NAA11: variants seen among roughly 807,000 people sequenced by gnomAD.
NAA11 encodes the protein N-alpha-acetyltransferase 11, NatA catalytic subunit.
A neutral mutation model predicts 16.1 loss-of-function variants in NAA11; 15 were observed. The observed-to-expected ratio is 0.93, with a 90% CI of 0.62 to 1.44. The LOEUF is 1.44. Ranked by LOEUF, NAA11 falls within the 40% of genes most tolerant of loss-of-function variation. NAA11 has a pLI of 0.00. For synonymous variants in NAA11, 122 were observed against 112.4 expected (o/e 1.09, Z -0.54); for missense variants, 298 against 291.3 (o/e 1.02, Z -0.17).
intron 2 of NAA11, among the ~76,000 whole-genome samples, chr4:79,242,251 G>A (rs562724279): frequency 8.0e-6 from 1 of 125,074 alleles, no homozygotes; most frequent in East Asian, 2.5e-4. Context: ...CTTGGAGGGG[G>A]ATATCCTTCT....
At chr4:79,181,747 C>T in the NAA11 span, among the ~76,000 whole-genome samples, 1 of 152,132 alleles carries the variant, frequency 6.6e-6, no homozygotes, top group South Asian at 2.1e-4. Flanking sequence ...AATAAAACAC[C>T]GAACTTATGA....
intron 1 of NAA11, among the ~76,000 whole-genome samples, chr4:79,322,076 T>C (rs1283819524): frequency 2.0e-5 from 3 of 152,142 alleles, no homozygotes; most frequent in African/African-American, 7.2e-5. Context: ...TTTTATTGGG[T>C]TAAGTTACTG....
chr4:79,160,150 C>T, the NAA11 span, among the ~76,000 whole-genome samples: 5 of 152,212 alleles, frequency 3.3e-5, no homozygotes, highest in East Asian at 7.7e-4. Flanking sequence ...TGCCACCATG[C>T]TCAGCTAATT....
chr4:79,244,206 C>T (rs557485378), intron 2 of NAA11, among the ~76,000 whole-genome samples: 5 of 152,266 alleles, frequency 3.3e-5, no homozygotes, highest in South Asian at 2.1e-4. Flanking sequence ...AGAGGCATTG[C>T]GATAATTGCC....
the NAA11 span, among the ~76,000 whole-genome samples, chr4:79,156,418 A>AT: frequency 6.6e-6 from 1 of 152,038 alleles, no homozygotes; most frequent in Non-Finnish European, 1.5e-5. Context: ...GGCTCACACC[A>AT]TTATAGAGGC....
At chr4:79,174,453 G>T in the NAA11 span, among the ~76,000 whole-genome samples, 580 of 152,166 alleles carry the variant, frequency 3.8e-3, 4 homozygotes, top group African/African-American at 0.013. Flanking sequence ...TGGATCACTG[G>T]CAATAATATA....
chr4:79,203,834 T>TG, the NAA11 span, among the ~76,000 whole-genome samples: 1 of 151,570 alleles, frequency 6.6e-6, no homozygotes, highest in African/African-American at 2.4e-5. Context: ...GACAAAAAGA[T>TG]GAATCTTTTA....
the NAA11 span, among the ~76,000 whole-genome samples, chr4:79,176,132 C>T: frequency 2.6e-5 from 4 of 152,106 alleles, no homozygotes; most frequent in Non-Finnish European, 5.9e-5. Flanking sequence ...CTCGTATCCC[C>T]ACCAACTGGT....
the NAA11 span, among the ~76,000 whole-genome samples, chr4:79,202,018 T>A: frequency 2.0e-5 from 3 of 151,702 alleles, no homozygotes; most frequent in Non-Finnish European, 4.4e-5. Flanking sequence ...TTAGCATCAC[T>A]TTAAACATTT....
At chr4:79,238,387 AT>A (rs1721617105) in intron 2 of NAA11, among the ~76,000 whole-genome samples, 1 of 152,238 alleles carries the variant, frequency 6.6e-6, no homozygotes, top group African/African-American at 2.4e-5. Flanking sequence ...AAAAATCATT[AT>A]AACTTAAAAC....
Position 79,325,388 on chromosome 4 carries a change from G to A in NAA11, c.490C>T (p.Leu164=). 6.2e-7 allele frequency: 1 copy of A among 1,614,066 alleles called. No homozygotes were observed. Among genetic ancestry groups the A allele is most frequent in the Non-Finnish European group, 8.5e-7 (1 of 1,179,984 alleles). ...MADELRRQMD[L]KKGGYVVLGS... is the part of the protein sequence containing the mutation. ...AGGACCACATACCCGCCCTTCTTCA[G>A]GTCCATTTGTCGTCTCAGCTCATCT... Residue 164 remains leucine (L), a synonymous_variant, in exon 1 of 2, where the codon CTG becomes TTG. Transcript: ENST00000286794.
At chr4:79,193,630 CT>C in the NAA11 span, among the ~76,000 whole-genome samples, 2 of 152,082 alleles carry the variant, frequency 1.3e-5, no homozygotes, top group African/African-American at 4.8e-5. Context: ...TTACTGTAGC[CT>C]TGTGGTATAG....
At chr4:79,234,946 A>G (rs888524375) in intron 2 of NAA11, among the ~76,000 whole-genome samples, 1 of 152,112 alleles carries the variant, frequency 6.6e-6, no homozygotes, top group Non-Finnish European at 1.5e-5. Flanking sequence ...TTAATTTATC[A>G]CATAGCATTG....
At chr4:79,185,340 C>T in the NAA11 span, among the ~76,000 whole-genome samples, 2 of 152,114 alleles carry the variant, frequency 1.3e-5, no homozygotes, top group Non-Finnish European at 2.9e-5. Context: ...CAGACAGCAC[C>T]TTTTTCCCCC....
At chr4:79,265,895 C>T (rs1722333992) in intron 2 of NAA11, among the ~76,000 whole-genome samples, 1 of 152,058 alleles carries the variant, frequency 6.6e-6, no homozygotes, top group African/African-American at 2.4e-5. Context: ...GAGCACTTTA[C>T]ATCTGCTTAT....
intron 1 of NAA11, among the ~76,000 whole-genome samples, chr4:79,318,184 A>C (rs186710602): frequency 2.6e-4 from 39 of 152,316 alleles, no homozygotes; most frequent in African/African-American, 9.4e-4. Flanking sequence ...ACTCAAAAGA[A>C]AATTTATTCC....
intron 2 of NAA11, among the ~76,000 whole-genome samples, chr4:79,241,898 C>T (rs1310760579): frequency 6.6e-6 from 1 of 152,228 alleles, no homozygotes; most frequent in Admixed American, 6.5e-5. Context: ...ATCCACCTAT[C>T]ACTACATGCT....
the NAA11 span, among the ~76,000 whole-genome samples, chr4:79,220,610 G>A: frequency 8.5e-5 from 13 of 152,058 alleles, no homozygotes; most frequent in East Asian, 2.3e-3. Context: ...GTATTAATTT[G>A]TTTAATTGCA....
the NAA11 span, chr4:79,211,595 G>A: frequency 6.6e-6 from 1 of 152,298 alleles, no homozygotes; most frequent in Non-Finnish European, 1.5e-5. Flanking sequence ...GTCAGAGGCA[G>A]TGAGAGTTCT....
Sources: gnomAD v4.1 joint callset for allele counts (sites outside exome capture counted in the v4.1 genomes callset) on GRCh38, gnomAD v4.1.1 for gene constraint, MANE v1.5 for transcripts, NCBI Gene and HGNC (gene_info 2026-07-23, HGNC 2026-07-21) for gene names.